ATG10: variants seen among roughly 807,000 people sequenced by gnomAD.
The protein encoded by ATG10 is autophagy related 10, also known as ubiquitin-like-conjugating enzyme ATG10.
A neutral mutation model predicts 32.1 loss-of-function variants in ATG10; 30 were observed. The ratio of observed to expected loss-of-function variants is 0.94; its 90% CI spans 0.70 to 1.27. ATG10 has a LOEUF of 1.27. Ranked by LOEUF, ATG10 falls within the 50% of genes most tolerant of loss-of-function variation. The probability of loss-of-function intolerance (pLI) is 0.00; values close to 1 mark genes in which losing one functional copy is unlikely to be tolerated. For missense variants in ATG10, 233 were observed against 262.3 expected, an observed-to-expected ratio of 0.89 and a Z score of 0.77; for synonymous variants, 87 against 91.5, an observed-to-expected ratio of 0.95 and a Z score of 0.28.
At chr5:82,123,793 A>G (rs1766141893) in intron 3 of ATG10, among the ~76,000 whole-genome samples, 1 of 147,394 alleles carries the variant, frequency 6.8e-6, no homozygotes, top group African/African-American at 2.5e-5. Context: ...AAAATTAGCC[A>G]TGCATGGTGG....
intron 2 of ATG10, among the ~76,000 whole-genome samples, chr5:82,036,814 T>A (rs1288809026): frequency 1.3e-5 from 2 of 152,006 alleles, no homozygotes; most frequent in African/African-American, 2.4e-5. Flanking sequence ...ATTTGACATA[T>A]AACTCTCTTA....
intron 5 of ATG10, among the ~76,000 whole-genome samples, chr5:82,199,907 G>A (rs1411663667): frequency 6.6e-6 from 1 of 151,976 alleles, no homozygotes; most frequent in Non-Finnish European, 1.5e-5. Flanking sequence ...TTTGAGTCTG[G>A]CTTCTTTCAC....
chr5:82,045,830 G>A (rs73768618), intron 2 of ATG10, among the ~76,000 whole-genome samples: 6,442 of 152,012 alleles, frequency 0.042, 143 homozygotes, highest in Middle Eastern at 0.058. Context: ...ATGTGAGTTT[G>A]CCGTGTGTCT....
intron 3 of ATG10, among the ~76,000 whole-genome samples, chr5:82,115,336 A>G (rs567490997): frequency 1.1e-4 from 17 of 152,094 alleles, no homozygotes; most frequent in Non-Finnish European, 2.1e-4. Context: ...AGATGAAGTT[A>G]CATGATACCT....
chr5:81,983,191 C>T (rs1248018932), intron 1 of ATG10, among the ~76,000 whole-genome samples: 2 of 150,876 alleles, frequency 1.3e-5, no homozygotes, highest in African/African-American at 2.4e-5. Context: ...GACTGATCCC[C>T]CCACCTCCCT....
At chr5:82,104,304 C>T (rs973523427) in intron 3 of ATG10, among the ~76,000 whole-genome samples, 3 of 152,098 alleles carry the variant, frequency 2.0e-5, no homozygotes, top group Non-Finnish European at 4.4e-5. Context: ...TATGTTCCCA[C>T]TTGCCAAATA....
At chr5:82,052,305 G>C (rs908694572) in intron 2 of ATG10, among the ~76,000 whole-genome samples, 2 of 152,130 alleles carry the variant, frequency 1.3e-5, no homozygotes, top group Non-Finnish European at 2.9e-5. Flanking sequence ...AACATAGCTT[G>C]CTGGGTGGCA....
intron 3 of ATG10, among the ~76,000 whole-genome samples, chr5:82,095,117 A>G (rs1482092667): frequency 2.0e-5 from 3 of 152,156 alleles, no homozygotes; most frequent in African/African-American, 7.2e-5. Flanking sequence ...AATGAAGATA[A>G]CAGAAAAGAA....
intron 2 of ATG10, among the ~76,000 whole-genome samples, chr5:82,022,163 T>C (rs1201623021): frequency 2.0e-5 from 3 of 150,642 alleles, no homozygotes; most frequent in African/African-American, 7.3e-5. Flanking sequence ...CACTCCAGCC[T>C]GGGTGACAGA....
chr5:82,092,458 G>A (rs886577734), intron 3 of ATG10, among the ~76,000 whole-genome samples: 4 of 152,130 alleles, frequency 2.6e-5, no homozygotes, highest in Admixed American at 6.6e-5. Flanking sequence ...TTGCAGCAAC[G>A]TGGTTTACTA....
intron 3 of ATG10, among the ~76,000 whole-genome samples, chr5:82,141,678 A>G (rs1473697571): frequency 6.6e-6 from 1 of 152,180 alleles, no homozygotes; most frequent in African/African-American, 2.4e-5. Flanking sequence ...AATAATGAGT[A>G]TATAAAATTT....
intron 5 of ATG10, among the ~76,000 whole-genome samples, chr5:82,228,244 A>G (rs1746215050): frequency 6.6e-6 from 1 of 152,088 alleles, no homozygotes; most frequent in African/African-American, 2.4e-5. Flanking sequence ...TATTAAAAGT[A>G]TGTATCAATA....
chr5:82,102,274 T>TGTG (rs1765302961), intron 3 of ATG10, among the ~76,000 whole-genome samples: 4 of 152,218 alleles, frequency 2.6e-5, no homozygotes, highest in Middle Eastern at 6.8e-3. Context: ...AAGATGTTGG[T>TGTG]GTGGTATGTA....
rs72776902 is a variant in ATG10 at position 82,202,710 on chromosome 5, A to G, written c.453+24123A>G. On this transcript the variant is annotated intron_variant, in intron 5 of 7. Transcript: ENST00000282185. ...CTGTTCCATGTAGTTCCGTGTGACT[A>G]GTACTACTCTTGAGCAAAACAGCAA... is the stretch of plus-strand genomic sequence containing the variant. Among the ~76,000 whole-genome samples the G allele has an allele frequency of 3.1e-3, 467 of 152,270 alleles. 1 individual carries two copies. The highest frequency in any genetic ancestry group is 4.4e-3 in the Non-Finnish European group (299 of 68,012).
At chr5:82,065,696 G>T (rs1467558535) in intron 3 of ATG10, among the ~76,000 whole-genome samples, 3 of 151,824 alleles carry the variant, frequency 2.0e-5, no homozygotes, top group Non-Finnish European at 2.9e-5. Flanking sequence ...AGTGAAAAAC[G>T]TGATTTAACA....
At chr5:82,144,474 A>C (rs968505123) in intron 3 of ATG10, among the ~76,000 whole-genome samples, 1 of 151,810 alleles carries the variant, frequency 6.6e-6, no homozygotes, top group Non-Finnish European at 1.5e-5. Flanking sequence ...CTAAGCACTG[A>C]TTTAGCTGCA....
intron 2 of ATG10, among the ~76,000 whole-genome samples, chr5:82,051,315 T>G (rs1230791483): frequency 6.6e-6 from 1 of 152,178 alleles, no homozygotes; most frequent in East Asian, 1.9e-4. Context: ...AGGCTCAGCT[T>G]CCTTAAGTGG....
intron 5 of ATG10, among the ~76,000 whole-genome samples, chr5:82,187,802 G>C (rs1207269692): frequency 1.3e-5 from 2 of 151,802 alleles, no homozygotes; most frequent in Non-Finnish European, 2.9e-5. Context: ...TGATCAGGCT[G>C]GTCTCGAACT....
intron 3 of ATG10, among the ~76,000 whole-genome samples, chr5:82,120,407 A>G (rs1230482323): frequency 6.6e-6 from 1 of 152,190 alleles, no homozygotes; most frequent in African/African-American, 2.4e-5. Flanking sequence ...AGGCAGTTTC[A>G]GAGCCTGCTA....
Sources: allele counts gnomAD v4.1 joint callset (sites outside exome capture counted in the v4.1 genomes callset), GRCh38; gene constraint gnomAD v4.1.1; transcripts MANE v1.5; gene names NCBI Gene and HGNC (gene_info 2026-07-23, HGNC 2026-07-21).